OPCML: variants seen among roughly 807,000 people sequenced by gnomAD.
OPCML encodes the protein opioid-binding protein/cell adhesion molecule.
A neutral mutation model predicts 37.8 loss-of-function variants in OPCML; 13 were observed. The observed-to-expected ratio is 0.34, with a 90% CI of 0.22 to 0.55. OPCML has a LOEUF of 0.55. Among genes scored for constraint, OPCML ranks in the 20% least tolerant of loss-of-function variants. The probability of loss-of-function intolerance (pLI) is 0.91; values close to 1 mark genes in which losing one functional copy is unlikely to be tolerated. For missense variants in OPCML, 341 were observed against 435.6 expected (o/e 0.78, Z 1.93); for synonymous variants, 176 against 168.8 (o/e 1.04, Z -0.33).
At chr11:132,606,627 G>A (rs921960716) in intron 3 of OPCML, among the ~76,000 whole-genome samples, 2 of 152,100 alleles carry the variant, frequency 1.3e-5, no homozygotes, top group African/African-American at 2.4e-5. Context: ...ATCCTGCAAG[G>A]ACCAGCCTCC....
At chr11:133,068,637 T>C (rs1167182258) in intron 1 of OPCML, among the ~76,000 whole-genome samples, 1 of 152,194 alleles carries the variant, frequency 6.6e-6, no homozygotes, top group African/African-American at 2.4e-5. Context: ...GGTAACTGGG[T>C]TCAAAGGAGT....
At chr11:132,787,004 G>C (rs1207397610) in intron 2 of OPCML, among the ~76,000 whole-genome samples, 1 of 152,116 alleles carries the variant, frequency 6.6e-6, no homozygotes, top group Non-Finnish European at 1.5e-5. Flanking sequence ...TTTCCAGAAG[G>C]CCTGTCAAAC....
intron 2 of OPCML, among the ~76,000 whole-genome samples, chr11:132,827,715 C>T (rs1565892735): frequency 6.6e-6 from 1 of 152,212 alleles, no homozygotes. Context: ...TCTCAGATCA[C>T]TGCAACCTCC....
intron 4 of OPCML, among the ~76,000 whole-genome samples, chr11:132,470,909 G>A (rs142628383): frequency 7.2e-5 from 11 of 152,188 alleles, no homozygotes; most frequent in East Asian, 1.9e-4. Flanking sequence ...AAGAAAAGGC[G>A]TTCTAGGACC....
chr11:132,953,812 G>T (rs577756351), intron 1 of OPCML, among the ~76,000 whole-genome samples: 1 of 152,268 alleles, frequency 6.6e-6, no homozygotes, highest in Non-Finnish European at 1.5e-5. Context: ...GCTTCTCTGA[G>T]CCCAGGATTC....
At chr11:132,484,416 C>A (rs1245590414) in intron 4 of OPCML, among the ~76,000 whole-genome samples, 5 of 152,188 alleles carry the variant, frequency 3.3e-5, no homozygotes, top group Non-Finnish European at 7.3e-5. Flanking sequence ...AGTCAGGAAA[C>A]AACAGGTGCT....
At chr11:132,947,983 G>GA (rs202084639) in intron 1 of OPCML, among the ~76,000 whole-genome samples, 5,263 of 152,252 alleles carry the variant, frequency 0.035, 122 homozygotes, top group Middle Eastern at 0.061. Context: ...AAAAGTTTCA[G>GA]CTTTTGGATT....
intron 1 of OPCML, among the ~76,000 whole-genome samples, chr11:133,029,215 A>AG (rs79204014): frequency 1.3e-5 from 2 of 152,066 alleles, no homozygotes; most frequent in African/African-American, 2.4e-5. Context: ...CAAAAGAAAA[A>AG]ATAACAGATG....
intron 2 of OPCML, among the ~76,000 whole-genome samples, chr11:132,800,604 T>A (rs1303458111): frequency 6.6e-6 from 1 of 152,114 alleles, no homozygotes; most frequent in Non-Finnish European, 1.5e-5. Context: ...ATTTCTTGAG[T>A]GTTTTTATTA....
intron 3 of OPCML, among the ~76,000 whole-genome samples, chr11:132,548,924 A>G (rs751594573): frequency 2.6e-5 from 4 of 152,218 alleles, no homozygotes; most frequent in Non-Finnish European, 5.9e-5. Flanking sequence ...AAGAGACAAT[A>G]TTATCCTCAC....
chr11:132,941,489 C>T (rs544514689), intron 2 of OPCML, among the ~76,000 whole-genome samples: 41 of 152,188 alleles, frequency 2.7e-4, no homozygotes, highest in Admixed American at 1.2e-3. Flanking sequence ...AACCCGTGTG[C>T]TGCTTATATC....
intron 1 of OPCML, among the ~76,000 whole-genome samples, chr11:133,433,590 G>A (rs1033531640): frequency 2.0e-5 from 3 of 152,098 alleles, no homozygotes; most frequent in Non-Finnish European, 4.4e-5. Flanking sequence ...ACCAACCTAT[G>A]TCCAAGCTTA....
intron 3 of OPCML, among the ~76,000 whole-genome samples, chr11:132,648,386 A>G (rs2135742578): frequency 6.6e-6 from 1 of 152,340 alleles, no homozygotes; most frequent in Middle Eastern, 3.4e-3. Flanking sequence ...TCAGCAGAAC[A>G]TAACAGGCAT....
chr11:133,527,539 G>A (rs539606488), intron 1 of OPCML, among the ~76,000 whole-genome samples: 2 of 152,262 alleles, frequency 1.3e-5, no homozygotes, highest in African/African-American at 4.8e-5. Context: ...TGGTCAGTAT[G>A]ATTCTACCTT....
chr11:132,562,732 C>G (rs886800313), intron 3 of OPCML, among the ~76,000 whole-genome samples: 18 of 151,940 alleles, frequency 1.2e-4, no homozygotes, highest in African/African-American at 4.4e-4. Flanking sequence ...AGGAAGTTAT[C>G]CAAGCAGAAC....
chr11:132,793,266 C>T lies in OPCML; in HGVS notation c.147-135947G>A, dbSNP rs574667488. ...GCATGGGACGACCACCGCCTTAAAT[C>T]TGAGGGGAGTAGGGACATGCATTGT... On this transcript the variant is annotated intron_variant, in intron 2 of 7. Coordinates refer to ENST00000524381, the MANE Select transcript of OPCML (RefSeq NM_001012393.5). Among the ~76,000 whole-genome samples, 8 of 152,318 alleles carry T rather than the reference C, an allele frequency of 5.3e-5. No individual in the cohort carries two copies. In the South Asian group the frequency reaches 1.7e-3, roughly 32 times the overall value.
At chr11:132,630,833 C>A (rs1426251984) in intron 3 of OPCML, among the ~76,000 whole-genome samples, 1 of 152,120 alleles carries the variant, frequency 6.6e-6, no homozygotes, top group Non-Finnish European at 1.5e-5. Context: ...ATAACAGATT[C>A]ATTCATTTTT....
At chr11:132,947,232 G>T (rs377170946) in intron 1 of OPCML, among the ~76,000 whole-genome samples, 2 of 152,232 alleles carry the variant, frequency 1.3e-5, no homozygotes, top group East Asian at 3.8e-4. Context: ...TGAGGTTCCC[G>T]ATAGGAAAAG....
At chr11:133,316,228 A>G (rs1334893547) in intron 1 of OPCML, among the ~76,000 whole-genome samples, 2 of 152,138 alleles carry the variant, frequency 1.3e-5, no homozygotes, top group Non-Finnish European at 2.9e-5. Flanking sequence ...GTTGAAGCAG[A>G]AGGGGAGGAG....
Sources: allele counts gnomAD v4.1 joint callset (sites outside exome capture counted in the v4.1 genomes callset), GRCh38; gene constraint gnomAD v4.1.1; transcripts MANE v1.5; gene names NCBI Gene and HGNC (gene_info 2026-07-23, HGNC 2026-07-21).